Variants in HCN1 observed in about 807,000 individuals in gnomAD.
The protein encoded by HCN1 is potassium/sodium hyperpolarization-activated cyclic nucleotide-gated channel 1.
A neutral mutation model predicts 78.9 loss-of-function variants in HCN1; 13 were observed. That is an observed-to-expected ratio of 0.16 (90% CI 0.11 to 0.26). The LOEUF (loss-of-function observed/expected upper bound fraction) is 0.26. HCN1 is among the 10% of genes least tolerant of loss of function. The probability of loss-of-function intolerance (pLI) is 1.00; values close to 1 mark genes in which losing one functional copy is unlikely to be tolerated. For synonymous variants in HCN1, 552 were observed against 455.5 expected (o/e 1.21, Z -2.70); for missense variants, 810 against 1,154.3 (o/e 0.70, Z 4.32).
intron 6 of HCN1, among the ~76,000 whole-genome samples, chr5:45,277,841 A>G (rs1202002021): frequency 6.6e-6 from 1 of 152,088 alleles, no homozygotes; most frequent in East Asian, 1.9e-4. Context: ...AATCATACCC[A>G]TTGTTGGGGA....
At chr5:45,308,911 C>T (rs190622129) in intron 5 of HCN1, among the ~76,000 whole-genome samples, 120 of 151,974 alleles carry the variant, frequency 7.9e-4, no homozygotes, top group African/African-American at 2.2e-3. Flanking sequence ...AGAATGTCAG[C>T]GGTAGTTTAA....
chr5:45,282,895 T>C (rs1172375392), intron 6 of HCN1, among the ~76,000 whole-genome samples: 1 of 152,196 alleles, frequency 6.6e-6, no homozygotes, highest in Admixed American at 6.5e-5. Context: ...AATAAAATAT[T>C]AGTTGAGTTG....
At chr5:45,536,213 A>AT (rs1742966754) in intron 2 of HCN1, among the ~76,000 whole-genome samples, 4 of 151,968 alleles carry the variant, frequency 2.6e-5, no homozygotes, top group Admixed American at 1.3e-4. Flanking sequence ...TGTTTACTGT[A>AT]TTTTTGGATC....
chr5:45,366,164 TTGTGTGTG>T (rs10642474), intron 4 of HCN1, among the ~76,000 whole-genome samples: 4 of 146,898 alleles, frequency 2.7e-5, no homozygotes, highest in South Asian at 2.2e-4. Flanking sequence ...ATTATAGCAT[TTGTGTGTG>T]TGTGTGTGTG....
At chr5:45,306,816 A>C (rs924271433) in intron 5 of HCN1, among the ~76,000 whole-genome samples, 3 of 152,130 alleles carry the variant, frequency 2.0e-5, no homozygotes, top group African/African-American at 7.2e-5. Context: ...GGATTGAGTT[A>C]GGAGTATTAT....
At chr5:45,614,385 G>A (rs1019051297) in intron 2 of HCN1, among the ~76,000 whole-genome samples, 2 of 152,062 alleles carry the variant, frequency 1.3e-5, no homozygotes, top group African/African-American at 4.8e-5. Context: ...AAATACACTT[G>A]TAATATCCAT....
rs1321315794 is a variant in HCN1 at position 45,356,748 on chromosome 5, A to C, written c.1231-3502T>G. Among the ~76,000 whole-genome samples, 4 of 152,022 alleles carry C rather than the reference A, an allele frequency of 2.6e-5. No homozygotes were observed. In the East Asian group the frequency reaches 7.7e-4, roughly 29 times the overall value. Reference sequence around the variant, plus strand: ...AGATACTTTACCAGGTGAAAGTAAAAAAACTCCCTCGTTCACTTTCATTTG... The same window carrying C: ...AGATACTTTACCAGGTGAAAGTAAACAAACTCCCTCGTTCACTTTCATTTG... On this transcript the variant is annotated intron_variant, in intron 4 of 7. Transcript: ENST00000303230.
At chr5:45,510,245 G>T (rs1742386836) in intron 2 of HCN1, among the ~76,000 whole-genome samples, 1 of 152,082 alleles carries the variant, frequency 6.6e-6, no homozygotes, top group African/African-American at 2.4e-5. Flanking sequence ...AAAGGTAAGT[G>T]TTCAGATGAG....
chr5:45,358,462 T>A (rs1463137849), intron 4 of HCN1, among the ~76,000 whole-genome samples: 3 of 152,060 alleles, frequency 2.0e-5, no homozygotes, highest in Non-Finnish European at 2.9e-5. Context: ...TTTCAATAAT[T>A]TTCCATTTCT....
At chr5:45,292,191 A>G (rs1306938291) in intron 6 of HCN1, among the ~76,000 whole-genome samples, 3 of 152,026 alleles carry the variant, frequency 2.0e-5, no homozygotes, top group Non-Finnish European at 4.4e-5. Flanking sequence ...ATACCATTCT[A>G]GATACAATTT....
intron 2 of HCN1, among the ~76,000 whole-genome samples, chr5:45,477,585 T>A (rs1040956925): frequency 1.3e-5 from 2 of 152,126 alleles, no homozygotes; most frequent in African/African-American, 4.8e-5. Context: ...GGGAAGAAGA[T>A]AAATTATTCA....
intron 5 of HCN1, among the ~76,000 whole-genome samples, chr5:45,311,422 C>A (rs1211522880): frequency 6.6e-6 from 1 of 152,076 alleles, no homozygotes. Flanking sequence ...CTTTTGCAAT[C>A]AGCTTATATT....
chr5:45,452,500 G>T (rs1228180080), intron 3 of HCN1, among the ~76,000 whole-genome samples: 4 of 151,506 alleles, frequency 2.6e-5, no homozygotes, highest in African/African-American at 9.7e-5. Context: ...AAATGATGGG[G>T]TATATAAGAT....
intron 3 of HCN1, among the ~76,000 whole-genome samples, chr5:45,407,790 G>A (rs140449312): frequency 1.3e-5 from 2 of 152,162 alleles, no homozygotes; most frequent in African/African-American, 4.8e-5. Flanking sequence ...GATTACAAGC[G>A]TGAGCCACCA....
At chr5:45,653,846 C>A (rs1377179421) in intron 1 of HCN1, among the ~76,000 whole-genome samples, 1 of 151,914 alleles carries the variant, frequency 6.6e-6, no homozygotes, top group Non-Finnish European at 1.5e-5. Context: ...GTGCAGCGCA[C>A]CAGCATGTCA....
At chr5:45,585,287 A>T (rs988330148) in intron 2 of HCN1, among the ~76,000 whole-genome samples, 2 of 152,006 alleles carry the variant, frequency 1.3e-5, no homozygotes, top group African/African-American at 4.8e-5. Flanking sequence ...TTGATCTTCC[A>T]TCACTGATAC....
At chr5:45,266,618 G>A (rs1312132716) in intron 7 of HCN1, among the ~76,000 whole-genome samples, 1 of 151,584 alleles carries the variant, frequency 6.6e-6, no homozygotes, top group East Asian at 1.9e-4. Context: ...GAGATAGATA[G>A]GGACCCAGAT....
At chr5:45,371,033 G>A (rs140448920) in intron 4 of HCN1, among the ~76,000 whole-genome samples, 5 of 152,028 alleles carry the variant, frequency 3.3e-5, no homozygotes, top group African/African-American at 1.2e-4. Flanking sequence ...CATTACAGAC[G>A]TTGGGACATA....
chr5:45,437,653 T>A (rs1740583301), intron 3 of HCN1, among the ~76,000 whole-genome samples: 1 of 151,960 alleles, frequency 6.6e-6, no homozygotes, highest in Non-Finnish European at 1.5e-5. Context: ...GTCACTGGAG[T>A]CAGTGAAGAA....
Sources: gnomAD v4.1 joint callset for allele counts (sites outside exome capture counted in the v4.1 genomes callset) on GRCh38, gnomAD v4.1.1 for gene constraint, MANE v1.5 for transcripts, NCBI Gene and HGNC (gene_info 2026-07-23, HGNC 2026-07-21) for gene names.